DAB1: variants seen among roughly 807,000 people sequenced by gnomAD.
The protein encoded by DAB1 is DAB adaptor protein 1.
DAB1 carries 15 observed loss-of-function variants against 64.6 expected under a neutral mutation model. The ratio of observed to expected loss-of-function variants is 0.23; its 90% CI spans 0.16 to 0.36. The LOEUF (loss-of-function observed/expected upper bound fraction) is 0.36, where lower values mean the gene tolerates loss of function less well. DAB1 is among the 10% of genes least tolerant of loss of function. DAB1 has a pLI of 1.00. For synonymous variants in DAB1, 235 were observed against 251.9 expected, an observed-to-expected ratio of 0.93 and a Z score of 0.64; for missense variants, 596 against 706.7, an observed-to-expected ratio of 0.84 and a Z score of 1.78.
intron 5 of DAB1, among the ~76,000 whole-genome samples, chr1:57,977,179 T>A (rs1645940953): frequency 6.6e-6 from 1 of 152,122 alleles, no homozygotes; most frequent in South Asian, 2.1e-4. Flanking sequence ...CAATCAGTAT[T>A]CTCCTGGGGC....
At chr1:57,643,068 T>A (rs1441190820) in intron 7 of DAB1, among the ~76,000 whole-genome samples, 1 of 152,222 alleles carries the variant, frequency 6.6e-6, no homozygotes, top group Non-Finnish European at 1.5e-5. Context: ...TATAAATGTG[T>A]GCAGGGGAGC....
intron 5 of DAB1, among the ~76,000 whole-genome samples, chr1:58,032,902 C>G (rs1646991211): frequency 1.3e-5 from 2 of 152,200 alleles, no homozygotes; most frequent in African/African-American, 4.8e-5. Flanking sequence ...ACTTCTCTGC[C>G]CTCAGCTCCC....
intron 7 of DAB1, among the ~76,000 whole-genome samples, chr1:57,577,768 C>T (rs1354969401): frequency 6.6e-6 from 1 of 152,190 alleles, no homozygotes; most frequent in African/African-American, 2.4e-5. Context: ...ATTGTTCATA[C>T]TTAGTATGTT....
At chr1:58,212,565 A>G (rs770737613) in intron 4 of DAB1, among the ~76,000 whole-genome samples, 6 of 151,710 alleles carry the variant, frequency 4.0e-5, no homozygotes, top group Admixed American at 6.6e-5. Context: ...TTATTCCTTC[A>G]CCTCTTAGGC....
At chr1:58,487,955 A>C (rs1164244474) in intron 3 of DAB1, among the ~76,000 whole-genome samples, 3 of 152,158 alleles carry the variant, frequency 2.0e-5, no homozygotes, top group African/African-American at 2.4e-5. Flanking sequence ...TAATCTAATG[A>C]TTATGACTTT....
intron 6 of DAB1, among the ~76,000 whole-genome samples, chr1:57,748,510 C>T (rs1648392708): frequency 6.7e-6 from 1 of 149,198 alleles, no homozygotes; most frequent in South Asian, 2.1e-4. Context: ...TATATAAATT[C>T]TCTATTATGC....
chr1:58,051,509 C>T (rs959068363), intron 5 of DAB1, among the ~76,000 whole-genome samples: 4 of 152,134 alleles, frequency 2.6e-5, no homozygotes, highest in African/African-American at 7.2e-5. Flanking sequence ...AATAGACATA[C>T]GTGTGCATGT....
At chr1:57,516,442 C>T (rs1229413283) in intron 7 of DAB1, among the ~76,000 whole-genome samples, 2 of 152,212 alleles carry the variant, frequency 1.3e-5, no homozygotes, top group East Asian at 3.9e-4. Flanking sequence ...TGTGTATTTA[C>T]ACCCCCATAA....
intron 3 of DAB1, among the ~76,000 whole-genome samples, chr1:58,408,220 A>G (rs889295998): frequency 4.0e-5 from 6 of 151,868 alleles, no homozygotes; most frequent in African/African-American, 1.5e-4. Flanking sequence ...GCTCATTTCT[A>G]CCTCGGGACC....
chr1:57,630,358 A>T (rs1338566265), intron 7 of DAB1, among the ~76,000 whole-genome samples: 1 of 152,120 alleles, frequency 6.6e-6, no homozygotes, highest in Non-Finnish European at 1.5e-5. Context: ...AAATGTTATA[A>T]CTTGCTGCAA....
At chr1:57,675,320 G>T (rs927507821) in intron 6 of DAB1, among the ~76,000 whole-genome samples, 10 of 152,184 alleles carry the variant, frequency 6.6e-5, no homozygotes, top group Non-Finnish European at 1.5e-4. Context: ...AGGTTCTAGA[G>T]GTGGACAACG....
intron 7 of DAB1, among the ~76,000 whole-genome samples, chr1:57,591,915 T>C (rs1282439426): frequency 6.6e-6 from 1 of 152,190 alleles, no homozygotes; most frequent in Non-Finnish European, 1.5e-5. Flanking sequence ...AACTAATAAG[T>C]TATTTCATCT....
At position 57,060,634 on chromosome 1, in the gene DAB1, C is replaced by G. The variant is rs193184442; in HGVS notation, c.723+2250G>C. 3.3e-5 allele frequency among the ~76,000 whole-genome samples: 5 copies of G among 152,132 alleles called. No homozygotes were observed. In the East Asian group the frequency reaches 9.7e-4, roughly 30 times the overall value. ...AGTGATCTGCTGTTGCTGTTCAGAG[C>G]GAAAGTCCAGAAAGTCCCCCTGAGA... is the stretch of plus-strand genomic sequence containing the variant. On this transcript the variant is annotated intron_variant, in intron 9 of 14. Transcript: ENST00000371236.
At chr1:57,689,729 C>T (rs909846118) in intron 6 of DAB1, among the ~76,000 whole-genome samples, 3 of 152,122 alleles carry the variant, frequency 2.0e-5, no homozygotes, top group Non-Finnish European at 2.9e-5. Context: ...ATTGAGTACC[C>T]ATCCCAACAA....
rs533166907 is a variant in DAB1 at position 57,803,342 on chromosome 1, A to G, written n.551+80657T>C. The stretch of plus-strand genomic sequence containing the variant: ...CTGCAGGGGATGTGACACAGCAACT[A>G]TCAACCCATAACCTGTTAAAGGGGG... On this transcript the variant is annotated intron_variant and non_coding_transcript_variant, in intron 6 of 20. Coordinates refer to the DAB1 transcript ENST00000485760. 4.6e-5 allele frequency among the ~76,000 whole-genome samples: 7 copies of G among 152,376 alleles called. No homozygotes were observed. In the South Asian group the frequency reaches 1.4e-3, roughly 32 times the overall value.
intron 4 of DAB1, among the ~76,000 whole-genome samples, chr1:58,342,043 C>T (rs555517151): frequency 2.6e-5 from 4 of 152,226 alleles, no homozygotes; most frequent in African/African-American, 7.2e-5. Context: ...TCTGCCTTGG[C>T]CTCACAACTT....
At chr1:57,948,696 C>A (rs761718599) in intron 5 of DAB1, among the ~76,000 whole-genome samples, 11 of 152,166 alleles carry the variant, frequency 7.2e-5, no homozygotes, top group Non-Finnish European at 1.3e-4. Flanking sequence ...TCTGAATCTT[C>A]CTCTTGAGCT....
At chr1:58,220,878 C>T (rs1262901168) in intron 4 of DAB1, among the ~76,000 whole-genome samples, 1 of 151,548 alleles carries the variant, frequency 6.6e-6, no homozygotes, top group African/African-American at 2.4e-5. Flanking sequence ...TATATACACA[C>T]ACACACACAC....
chr1:57,329,448 C>A (rs998696184), intron 1 of DAB1, among the ~76,000 whole-genome samples: 2 of 152,248 alleles, frequency 1.3e-5, no homozygotes, highest in South Asian at 4.2e-4. Flanking sequence ...GTTTTGCAAC[C>A]CATTCTCCCT....
Sources: gnomAD v4.1 joint callset for allele counts (sites outside exome capture counted in the v4.1 genomes callset) on GRCh38, gnomAD v4.1.1 for gene constraint, MANE v1.5 for transcripts, NCBI Gene and HGNC (gene_info 2026-07-23, HGNC 2026-07-21) for gene names.